CSMD1: variants seen among roughly 807,000 people sequenced by gnomAD.
The protein encoded by CSMD1 is CUB and Sushi multiple domains 1, also known as CUB and sushi domain-containing protein 1.
CSMD1 carries 213 observed loss-of-function variants against 417.5 expected under a neutral mutation model. The observed-to-expected ratio is 0.51, with a 90% CI of 0.46 to 0.57. The LOEUF is 0.57. Among genes scored for constraint, CSMD1 ranks in the 20% least tolerant of loss-of-function variants. The probability of loss-of-function intolerance (pLI) is 0.00; values close to 1 mark genes in which losing one functional copy is unlikely to be tolerated. For synonymous variants in CSMD1, 2,862 were observed against 1,736.8 expected (o/e 1.65, Z -16.11); for missense variants, 6,923 against 4,529.7 (o/e 1.53, Z -15.17).
intron 1 of CSMD1, among the ~76,000 whole-genome samples, chr8:4,931,217 C>A (rs757316277): frequency 1.3e-5 from 2 of 152,106 alleles, no homozygotes; most frequent in African/African-American, 2.4e-5. Context: ...AACTCACTCC[C>A]CTTTTTTTAG....
At chr8:3,549,219 ATGGT>A (rs1330071288) in intron 10 of CSMD1, among the ~76,000 whole-genome samples, 1 of 152,206 alleles carries the variant, frequency 6.6e-6, no homozygotes, top group African/African-American at 2.4e-5. Context: ...CCTCATAAGC[ATGGT>A]TTCTATGTTC....
At chr8:4,680,909 GCACA>G (rs140395393) in intron 1 of CSMD1, among the ~76,000 whole-genome samples, 6 of 146,694 alleles carry the variant, frequency 4.1e-5, no homozygotes, top group African/African-American at 1.3e-4. Context: ...GATATGATAA[GCACA>G]CACACACACA....
intron 3 of CSMD1, among the ~76,000 whole-genome samples, chr8:4,401,468 GCCCAAGCAGCACCATC>G (rs1231975130): frequency 6.6e-6 from 1 of 152,012 alleles, no homozygotes; most frequent in Non-Finnish European, 1.5e-5. Flanking sequence ...GCTTCCAGTG[GCCCAAGCAGCACCATC>G]CCCTCACCCA....
intron 15 of CSMD1, among the ~76,000 whole-genome samples, 160 bp downstream of exon 15, chr8:3,405,867 C>G (rs1174514902): frequency 6.6e-6 from 1 of 152,194 alleles, no homozygotes; most frequent in Non-Finnish European, 1.5e-5. Flanking sequence ...TTCCAGCCTC[C>G]AGAACTGGGA....
At chr8:3,152,128 A>C (rs1423571099) in intron 39 of CSMD1, among the ~76,000 whole-genome samples, 1 of 152,250 alleles carries the variant, frequency 6.6e-6, no homozygotes, top group Non-Finnish European at 1.5e-5. Flanking sequence ...TTCGGAAGGC[A>C]GCTAACTGCA....
chr8:4,886,675 T>C (rs898638147), intron 1 of CSMD1, among the ~76,000 whole-genome samples: 18 of 152,036 alleles, frequency 1.2e-4, no homozygotes, highest in African/African-American at 3.9e-4. Context: ...TCACAGTACA[T>C]ATCACAGATT....
rs1038972092 is a variant in CSMD1 at position 3,307,876 on chromosome 8, A to G, written c.3824-55T>C. The G allele has an allele frequency of 3.6e-5, 56 of 1,575,694 alleles. 1 individual carries two copies. The Admixed American group carries it at 7.0e-4, about 20-fold the overall frequency. On this transcript the variant is annotated intron_variant, in intron 24 of 69. Coordinates refer to ENST00000635120, the MANE Select transcript of CSMD1 (RefSeq NM_033225.6). The stretch of plus-strand genomic sequence containing the variant: ...TCAGCTTCAGGCATCACATGTTTCT[A>G]TTTAGCTACTTTTCAAAACCAAAGC...
At chr8:3,330,050 T>C (rs1806791977) in intron 23 of CSMD1, among the ~76,000 whole-genome samples, 1 of 152,190 alleles carries the variant, frequency 6.6e-6, no homozygotes, top group Non-Finnish European at 1.5e-5. Context: ...CTCAAGCCCA[T>C]GGCAGTCATG....
At chr8:3,634,037 A>T (rs1455625656) in intron 7 of CSMD1, among the ~76,000 whole-genome samples, 1 of 151,952 alleles carries the variant, frequency 6.6e-6, no homozygotes, top group Non-Finnish European at 1.5e-5. Context: ...CTGTCAGTGA[A>T]ATAAAGGGCT....
intron 5 of CSMD1, among the ~76,000 whole-genome samples, chr8:3,767,792 C>A (rs139916830): frequency 1.3e-5 from 2 of 152,128 alleles, no homozygotes; most frequent in African/African-American, 4.8e-5. Flanking sequence ...CTCATCTTCT[C>A]ACGTACACGG....
chr8:4,979,518 A>T (rs1020149534), intron 1 of CSMD1, among the ~76,000 whole-genome samples: 1 of 152,156 alleles, frequency 6.6e-6, no homozygotes, highest in African/African-American at 2.4e-5. Flanking sequence ...CTATCATAAG[A>T]TACTCACTGT....
At chr8:2,997,980 C>A in intron 54 of CSMD1, 31 bp downstream of exon 54, 2 of 1,601,744 alleles carry the variant, frequency 1.2e-6, no homozygotes, top group South Asian at 1.1e-5. Flanking sequence ...ACTCTCAGAG[C>A]AAAGGGCTCA....
intron 5 of CSMD1, among the ~76,000 whole-genome samples, chr8:3,978,899 G>A (rs141720911): frequency 8.4e-4 from 128 of 152,310 alleles, no homozygotes; most frequent in African/African-American, 2.9e-3. Context: ...GGAACAGTGA[G>A]AAGACAAGGA....
chr8:4,164,747 G>C (rs1393115374), intron 3 of CSMD1, among the ~76,000 whole-genome samples: 2 of 151,986 alleles, frequency 1.3e-5, no homozygotes, highest in Non-Finnish European at 2.9e-5. Context: ...AATACAGTTT[G>C]TGCCTGTAGT....
At chr8:4,110,073 G>A (rs779184283) in intron 3 of CSMD1, among the ~76,000 whole-genome samples, 6 of 152,262 alleles carry the variant, frequency 3.9e-5, no homozygotes, top group Admixed American at 1.3e-4. Context: ...CAATGATCAC[G>A]TGGAATAATA....
At chr8:3,348,343 T>A (rs1808154837) in intron 21 of CSMD1, among the ~76,000 whole-genome samples, 182 bp from the exon 22 acceptor site, 1 of 152,162 alleles carries the variant, frequency 6.6e-6, no homozygotes, top group African/African-American at 2.4e-5. Flanking sequence ...CCAAAAAAGA[T>A]ACCCCACCTA....
intron 10 of CSMD1, among the ~76,000 whole-genome samples, chr8:3,562,859 A>C (rs1799528546): frequency 6.6e-6 from 1 of 152,078 alleles, no homozygotes; most frequent in Non-Finnish European, 1.5e-5. Context: ...TCTGTACAAC[A>C]AACCCCCATG....
At chr8:3,321,956 C>G (rs954939418) in intron 23 of CSMD1, among the ~76,000 whole-genome samples, 81 of 152,134 alleles carry the variant, frequency 5.3e-4, no homozygotes, top group African/African-American at 1.8e-3. Context: ...TAAAATGGAA[C>G]CTACACAGTT....
At chr8:3,034,806 G>A (rs909400178) in intron 50 of CSMD1, among the ~76,000 whole-genome samples, 48 of 152,092 alleles carry the variant, frequency 3.2e-4, no homozygotes, top group African/African-American at 1.1e-3. Context: ...TTATAGACTA[G>A]GGAATAAGAT....
Sources: allele counts gnomAD v4.1 joint callset (sites outside exome capture counted in the v4.1 genomes callset), GRCh38; gene constraint gnomAD v4.1.1; transcripts MANE v1.5; gene names NCBI Gene and HGNC (gene_info 2026-07-23, HGNC 2026-07-21).